The following SNTG2 variants were observed in gnomAD, a reference collection of about 807,000 sequenced individuals.
SNTG2 encodes the protein syntrophin gamma 2.
SNTG2 carries 74 observed loss-of-function variants against 70.9 expected under a neutral mutation model. The observed-to-expected ratio is 1.04, with a 90% CI of 0.86 to 1.27. The LOEUF (loss-of-function observed/expected upper bound fraction) is 1.27. Ranked by LOEUF, SNTG2 falls within the 50% of genes most tolerant of loss-of-function variation. The pLI, the probability that SNTG2 is intolerant of heterozygous loss-of-function variation, is 0.00. For missense variants in SNTG2, 717 were observed against 690.7 expected, an observed-to-expected ratio of 1.04 and a Z score of -0.43; for synonymous variants, 278 against 273.8, an observed-to-expected ratio of 1.02 and a Z score of -0.15.
intron 1 of SNTG2, among the ~76,000 whole-genome samples, chr2:1,011,161 T>TC (rs1659719203): frequency 6.6e-6 from 1 of 152,144 alleles, no homozygotes. Flanking sequence ...GTATCTGAAG[T>TC]CCCAAGAAGC....
rs991405072 is a variant in SNTG2, at chr2:1,306,211, A to G, written c.1285-2283A>G. ...ATCTGCTCTCGGACTCTCATCGCCA[A>G]TGCCAACAGTGTGTAGAGTATTTGT... On this transcript the variant is annotated intron_variant, in intron 14 of 16. Transcript: ENST00000308624. Among the ~76,000 whole-genome samples the G allele has an allele frequency of 4.6e-5, 7 of 152,250 alleles. No individual in the cohort carries two copies. In the East Asian group the frequency reaches 5.8e-4, roughly 13 times the overall value.
intron 1 of SNTG2, among the ~76,000 whole-genome samples, chr2:974,003 G>C (rs1424952208): frequency 6.6e-6 from 1 of 152,176 alleles, no homozygotes; most frequent in Non-Finnish European, 1.5e-5. Context: ...CTCAGGACCA[G>C]TGTTATCCCT....
chr2:1,162,130 A>G (rs892468395), intron 6 of SNTG2, among the ~76,000 whole-genome samples: 1 of 149,784 alleles, frequency 6.7e-6, no homozygotes, highest in African/African-American at 2.4e-5. Flanking sequence ...CTCTCTATTG[A>G]TTGGTTCTGT....
chr2:1,240,041 T>C (rs1359921256), intron 11 of SNTG2, among the ~76,000 whole-genome samples: 3 of 152,248 alleles, frequency 2.0e-5, no homozygotes, highest in African/African-American at 7.2e-5. Flanking sequence ...TTGGCAGTTA[T>C]GTTTTGTAAA....
intron 1 of SNTG2, among the ~76,000 whole-genome samples, chr2:982,805 T>G (rs1661152903): frequency 6.6e-6 from 1 of 152,218 alleles, no homozygotes; most frequent in South Asian, 2.1e-4. Context: ...TTGGTCACTT[T>G]GTAACTGAGC....
In SNTG2 at chr2:1,049,378, G is replaced by GC. The variant is rs544861497; in HGVS notation, c.73-34138dup. 5.3e-5 allele frequency among the ~76,000 whole-genome samples: 8 copies of GC among 152,284 alleles called. 1 individual carries two copies. The South Asian group carries it at 1.7e-3, about 32-fold the overall frequency. ...GATCTCTTTACTATCTCCATAGTGT[G>GC]CCTTTTCCAGGTCAGATAGTTGGAC... On this transcript the variant is annotated intron_variant, in intron 1 of 16. Transcript: ENST00000308624.
At chr2:1,226,879 T>C (rs1255891791) in intron 9 of SNTG2, among the ~76,000 whole-genome samples, 7 of 152,238 alleles carry the variant, frequency 4.6e-5, no homozygotes. Flanking sequence ...CTTCACTCAT[T>C]ATGTAAAGTG....
intron 1 of SNTG2, among the ~76,000 whole-genome samples, chr2:956,141 G>A (rs182916553): frequency 0.092 from 1,940 of 21,102 alleles, 122 homozygotes; most frequent in African/African-American, 0.26. Flanking sequence ...TGCACCCACC[G>A]CGCCCCGCCC....
chr2:1,081,984 ACT>A (rs1355635338), intron 1 of SNTG2, among the ~76,000 whole-genome samples: 1 of 152,006 alleles, frequency 6.6e-6, no homozygotes, highest in Non-Finnish European at 1.5e-5. Context: ...TGGGGCACAC[ACT>A]CTTTTTTGTG....
Position 1,367,372 on chromosome 2 carries a change from C to CCTGCA in SNTG2, c.1524_1528dup (p.Ile510ThrfsTer7), listed in dbSNP as rs375777232. 9.7e-6 allele frequency: 15 copies of CCTGCA among 1,551,712 alleles called. No homozygotes were observed. The South Asian group carries it at 1.8e-4, about 18-fold the overall frequency. ...TCGAGTTCCAGGACCTGAGGGCTGT[C>CCTGCA]CTGCACTGCATCCACTCCTTCATAG... On this transcript the variant is annotated frameshift_variant, in exon 17 of 17. Coordinates refer to ENST00000308624, the MANE Select transcript of SNTG2 (RefSeq NM_018968.4). LOFTEE classifies it low-confidence loss of function (END_TRUNC).
chr2:988,912 AC>A (rs1318196817), intron 1 of SNTG2, among the ~76,000 whole-genome samples: 16 of 152,270 alleles, frequency 1.1e-4, no homozygotes, highest in African/African-American at 3.9e-4. Context: ...TTTGAATTCT[AC>A]CAGCCATGTT....
At chr2:1,061,817 C>A (rs1662842827) in intron 1 of SNTG2, among the ~76,000 whole-genome samples, 1 of 152,106 alleles carries the variant, frequency 6.6e-6, no homozygotes, top group Admixed American at 6.5e-5. Context: ...TGTCAATGAT[C>A]AGGTTTCTGA....
intron 1 of SNTG2, among the ~76,000 whole-genome samples, chr2:1,077,780 G>A (rs564327755): frequency 6.6e-6 from 1 of 152,200 alleles, no homozygotes; most frequent in South Asian, 2.1e-4. Flanking sequence ...CGAACTTTGT[G>A]AAATGAGGCA....
intron 6 of SNTG2, among the ~76,000 whole-genome samples, chr2:1,164,715 T>C (rs1231722636): frequency 2.7e-5 from 4 of 145,478 alleles, no homozygotes; most frequent in Non-Finnish European, 3.0e-5. Context: ...ACAGTCTCCA[T>C]GTAGAGGGGA....
At position 1,197,521 on chromosome 2, in the gene SNTG2, G is replaced by GTATATATATA. The variant is rs59683479; in HGVS notation, c.592-11581_592-11580insATATATATAT. Among the ~76,000 whole-genome samples the GTATATATATA allele has an allele frequency of 8.4e-3, 769 of 92,056 alleles. 66 individuals carry two copies. Among genetic ancestry groups the GTATATATATA allele is most frequent in the East Asian group, 0.03 (49 of 1,630 alleles). 60.4% of individuals were successfully genotyped at this position (92,056 alleles called of 152,430 possible). On this transcript the variant is annotated intron_variant, in intron 8 of 16. Transcript: ENST00000308624. Reference sequence around the variant, plus strand: ...TATATGTGTATGTATATATATGTGTGTGTGTGTGTGTGTGTGTGTGTGTGT... The same window carrying GTATATATATA: ...TATATGTGTATGTATATATATGTGTGTATATATATATGTGTGTGTGTGTGTGTGTGTGTGT...
chr2:960,922 C>T (rs1660330277), intron 1 of SNTG2, among the ~76,000 whole-genome samples: 2 of 152,222 alleles, frequency 1.3e-5, no homozygotes, highest in African/African-American at 2.4e-5. Context: ...CCTCCTGCTC[C>T]CTGCCACTCC....
chr2:1,261,586 A>T (rs185246418), intron 13 of SNTG2, among the ~76,000 whole-genome samples: 151 of 152,314 alleles, frequency 9.9e-4, no homozygotes, highest in Non-Finnish European at 1.6e-3. Context: ...AGCATGGCAG[A>T]AAAGCACTCT....
At chr2:1,282,870 G>A (rs1572917925) in intron 14 of SNTG2, among the ~76,000 whole-genome samples, 2 of 152,312 alleles carry the variant, frequency 1.3e-5, no homozygotes, top group South Asian at 2.1e-4. Flanking sequence ...GTCGGCCTAC[G>A]AAAGCCAGAT....
chr2:1,307,394 GTGTC>G (rs1408106282), intron 14 of SNTG2, among the ~76,000 whole-genome samples: 21 of 149,418 alleles, frequency 1.4e-4, no homozygotes, highest in Admixed American at 1.2e-3. Context: ...GCGGTGCACT[GTGTC>G]TGTGTGTGAG....
Sources: gnomAD v4.1 joint callset for allele counts (sites outside exome capture counted in the v4.1 genomes callset) on GRCh38, gnomAD v4.1.1 for gene constraint, MANE v1.5 for transcripts, NCBI Gene and HGNC (gene_info 2026-07-23, HGNC 2026-07-21) for gene names.